TXLNB: variants seen among roughly 807,000 people sequenced by gnomAD.
TXLNB encodes taxilin beta.
A neutral mutation model predicts 57.4 loss-of-function variants in TXLNB; 37 were observed. That is an observed-to-expected ratio of 0.64 (90% CI 0.50 to 0.85). The LOEUF (loss-of-function observed/expected upper bound fraction) is 0.85, where lower values mean the gene tolerates loss of function less well. Among genes scored for constraint, TXLNB ranks in the 40% least tolerant of loss-of-function variants. The pLI, the probability that TXLNB is intolerant of heterozygous loss-of-function variation, is 0.00. For synonymous variants in TXLNB, 302 were observed against 309.6 expected (o/e 0.98, Z 0.26); for missense variants, 848 against 825.6 (o/e 1.03, Z -0.33).
chr6:139,215,759 T>C, the TXLNB span, among the ~76,000 whole-genome samples: 166 of 152,226 alleles, frequency 1.1e-3, no homozygotes, highest in African/African-American at 3.7e-3. Flanking sequence ...GAATCTATAA[T>C]GAACTCAAAC....
the TXLNB span, chr6:139,167,374 C>T: frequency 7.1e-7 from 1 of 1,402,118 alleles, no homozygotes; most frequent in Non-Finnish European, 9.8e-7. Flanking sequence ...AAAAACCAAA[C>T]AACAAACAAG....
At chr6:139,252,530 G>C (rs974782029) in intron 7 of TXLNB, among the ~76,000 whole-genome samples, 1 of 152,208 alleles carries the variant, frequency 6.6e-6, no homozygotes. Context: ...CTTGCAATTA[G>C]TGAGGCTGCC....
At chr6:139,175,104 T>A in the TXLNB span, among the ~76,000 whole-genome samples, 24 of 152,320 alleles carry the variant, frequency 1.6e-4, no homozygotes, top group African/African-American at 5.1e-4. Context: ...GGAGGCATTG[T>A]CTCATGCTAT....
chr6:139,251,572 T>A (rs1776206571), intron 7 of TXLNB: 1 of 152,232 alleles, frequency 6.6e-6, no homozygotes, highest in Non-Finnish European at 1.5e-5. Flanking sequence ...CTCACTTTGG[T>A]ATTTCACAGA....
At chr6:139,309,069 C>G in the TXLNB span, among the ~76,000 whole-genome samples, 1 of 152,188 alleles carries the variant, frequency 6.6e-6, no homozygotes. Flanking sequence ...AACCACACTC[C>G]CAGCTGGAAC....
chr6:139,245,578 T>C (rs986755881), intron 8 of TXLNB: 3 of 152,220 alleles, frequency 2.0e-5, no homozygotes, highest in Non-Finnish European at 4.4e-5. Context: ...TGAAGCTGGG[T>C]ACCCACGGAG....
Position 139,244,617 on chromosome 6 carries a change from G to A in TXLNB, c.1244C>T (p.Ala415Val). ...CACCTCTTCAATCATGTCCAACAGA[G>A]CTTTGTTACAGTTCTCAAATCGGGC... Reference protein sequence around the residue: ...WKARFENCNKALLDMIEEKAL... With the variant: ...WKARFENCNKVLLDMIEEKAL... The change falls in exon 9 of 10, where the codon GCT becomes GTT. Residue 415 changes from alanine (A) to valine (V), a missense_variant. Transcript: ENST00000358430. 6 of 1,613,492 alleles carry A rather than the reference G, an allele frequency of 3.7e-6. No individual in the cohort carries two copies. The highest frequency in any genetic ancestry group is 5.1e-6 in the Non-Finnish European group (6 of 1,179,426).
At chr6:139,192,492 C>T in the TXLNB span, among the ~76,000 whole-genome samples, 108,088 of 152,076 alleles carry the variant, frequency 0.71, 39,713 homozygotes, top group African/African-American at 0.86. Context: ...GACATAGGTA[C>T]TTGTTTGATT....
At chr6:139,243,439 A>G in intron 9 of TXLNB, 125 bp from the exon 10 acceptor site, 1 of 967,076 alleles carries the variant, frequency 1.0e-6, no homozygotes. Flanking sequence ...AGGCTCTGGG[A>G]CCTGGCTACA....
At position 139,271,082 on chromosome 6, in the gene TXLNB, A is replaced by G. The variant is rs888570731; in HGVS notation, c.517-456T>C. On this transcript the variant is annotated intron_variant, in intron 3 of 9. Coordinates refer to ENST00000358430, the MANE Select transcript of TXLNB (RefSeq NM_153235.4). Reference sequence around the variant, plus strand: ...AGCTTCTAGCGCTATTTTTAAAAATAGGAAAGAGAAATGCAGCCTCCTGGT... The same window carrying G: ...AGCTTCTAGCGCTATTTTTAAAAATGGGAAAGAGAAATGCAGCCTCCTGGT... Among the ~76,000 whole-genome samples, 5 of 152,314 alleles carry G rather than the reference A, an allele frequency of 3.3e-5. No homozygotes were observed. The East Asian group carries it at 7.7e-4, about 24-fold the overall frequency.
At chr6:139,224,380 T>C in the TXLNB span, among the ~76,000 whole-genome samples, 1 of 151,142 alleles carries the variant, frequency 6.6e-6, no homozygotes, top group Admixed American at 6.6e-5. Context: ...TGCACCAGCA[T>C]GGCACATGTA....
chr6:139,249,563 T>C (rs1466137812), intron 7 of TXLNB, among the ~76,000 whole-genome samples: 1 of 152,176 alleles, frequency 6.6e-6, no homozygotes, highest in African/African-American at 2.4e-5. Context: ...TTTTTTAAAG[T>C]ACAGAAAGCA....
rs535521230 is a variant in TXLNB, at chr6:139,291,575, T to G, written c.-15+346A>C. Among the ~76,000 whole-genome samples the G allele has an allele frequency of 5.3e-5, 8 of 152,326 alleles. 1 individual carries two copies. Among genetic ancestry groups the G allele is most frequent in the African/African-American group, 1.9e-4 (8 of 41,568 alleles). The stretch of plus-strand genomic sequence containing the variant: ...GACAATTCAATTCCCAAAAGTAGCC[T>G]CAAGACAAGTTAACAAGAGGGAAAA... On this transcript the variant is annotated intron_variant, in intron 1 of 9. Coordinates refer to ENST00000358430, the MANE Select transcript of TXLNB (RefSeq NM_153235.4).
chr6:139,270,597 C>T lies in TXLNB; in HGVS notation c.546G>A (p.Lys182=), dbSNP rs778198404. 1.9e-6 allele frequency: 3 copies of T among 1,613,954 alleles called. No individual in the cohort carries two copies. The highest frequency in any genetic ancestry group is 1.3e-5 in the African/African-American group (1 of 74,916). ...CCTGTTTCTTTTGGAGGAGCTTTAA[C>T]TTCTTTTGCTCAGTACGATGTTCAT... is the stretch of plus-strand genomic sequence containing the variant. ...LLDEHRTEQK[K]LKLLQKKQVQ... is the part of the protein sequence containing the mutation. The change falls in exon 4 of 10, where the codon AAG becomes AAA. Residue 182 remains lysine (K), a synonymous_variant. Coordinates refer to ENST00000358430, the MANE Select transcript of TXLNB (RefSeq NM_153235.4).
the TXLNB span, among the ~76,000 whole-genome samples, chr6:139,213,856 G>T: frequency 1.3e-5 from 2 of 152,058 alleles, no homozygotes; most frequent in Non-Finnish European, 2.9e-5. Flanking sequence ...ACACCTCTAC[G>T]CAAATAAACT....
the TXLNB span, among the ~76,000 whole-genome samples, chr6:139,313,028 G>A: frequency 6.6e-6 from 1 of 151,404 alleles, no homozygotes; most frequent in African/African-American, 2.4e-5. Flanking sequence ...TTTCTCTAAT[G>A]TATATTTATG....
At chr6:139,176,304 A>C in the TXLNB span, among the ~76,000 whole-genome samples, 1 of 152,210 alleles carries the variant, frequency 6.6e-6, no homozygotes, top group East Asian at 1.9e-4. This position sits in a 1 kb window ranked among gnomAD's most constrained non-coding sequence, Gnocchi z 4.5. Context: ...TTTTGAGAAC[A>C]AGTTGAGATT....
intron 4 of TXLNB, among the ~76,000 whole-genome samples, chr6:139,268,015 G>C (rs1776657481): frequency 6.6e-6 from 1 of 152,030 alleles, no homozygotes; most frequent in South Asian, 2.1e-4. Flanking sequence ...GCCAGGCATG[G>C]TGGCGGGTGC....
At chr6:139,263,526 C>G (rs575289177) in intron 4 of TXLNB, among the ~76,000 whole-genome samples, 1 of 152,258 alleles carries the variant, frequency 6.6e-6, no homozygotes, top group East Asian at 1.9e-4. Context: ...ATCTAATTTT[C>G]CTTCTTCCGC....
Sources: gnomAD v4.1 joint callset for allele counts (sites outside exome capture counted in the v4.1 genomes callset) on GRCh38, gnomAD v4.1.1 for gene constraint, Gnocchi (gnomAD v3.1) non-coding constraint, MANE v1.5 for transcripts, NCBI Gene and HGNC (gene_info 2026-07-23, HGNC 2026-07-21) for gene names.